Variants in LRBA observed in about 807,000 individuals in gnomAD.
LRBA encodes lipopolysaccharide-responsive and beige-like anchor protein.
Under a neutral mutation model 330.0 loss-of-function variants are expected in LRBA, and 176 were observed. The observed-to-expected ratio is 0.53, with a 90% CI of 0.47 to 0.60. The LOEUF is 0.60. Among genes scored for constraint, LRBA ranks in the 20% least tolerant of loss-of-function variants. LRBA has a pLI of 0.00. For missense variants in LRBA, 3,259 were observed against 3,444.8 expected, an observed-to-expected ratio of 0.95 and a Z score of 1.35; for synonymous variants, 1,230 against 1,193.0, an observed-to-expected ratio of 1.03 and a Z score of -0.64.
intron 44 of LRBA, among the ~76,000 whole-genome samples, chr4:150,437,887 G>A (rs1417601383): frequency 5.3e-5 from 8 of 152,146 alleles, no homozygotes; most frequent in African/African-American, 2.4e-5. Flanking sequence ...AATGTTAGTT[G>A]GTACCTGTAT....
chr4:150,496,022 GGAGA>G lies in LRBA; in HGVS notation c.6331-4991_6331-4988del, dbSNP rs200157543. ...AAATGTTGAGACAGTGTGTTAGAGA[GGAGA>G]GAAAGGATTTAGTATTGAATACATA... On this transcript the variant is annotated intron_variant, in intron 40 of 56. Coordinates refer to ENST00000651943, the MANE Select transcript of LRBA (RefSeq NM_001364905.1). Among the ~76,000 whole-genome samples, 341 of 152,180 alleles carry G rather than the reference GGAGA, an allele frequency of 2.2e-3. 1 individual carries two copies. The highest frequency in any genetic ancestry group is 7.7e-3 in the African/African-American group (318 of 41,532).
At chr4:150,914,067 G>T in intron 9 of LRBA, 128 bp downstream of exon 9, 2 of 644,202 alleles carry the variant, frequency 3.1e-6, no homozygotes, top group Non-Finnish European at 5.2e-6. Context: ...ACCCTGCTGT[G>T]GTATCAAATA....
At chr4:150,588,323 T>C (rs1427790594) in intron 39 of LRBA, 139 bp from the exon 40 acceptor site, 2 of 737,080 alleles carry the variant, frequency 2.7e-6, no homozygotes, top group Non-Finnish European at 4.0e-6. Context: ...CAGTTAAATA[T>C]TCTGTCCACC....
At chr4:150,676,958 T>C (rs1267931226) in intron 37 of LRBA, among the ~76,000 whole-genome samples, 19 of 152,216 alleles carry the variant, frequency 1.2e-4, no homozygotes, top group Admixed American at 1.2e-3. Context: ...ACTCTACTTC[T>C]ATTACACTCC....
chr4:150,836,129 C>G (rs530355459), intron 28 of LRBA, among the ~76,000 whole-genome samples: 7 of 152,166 alleles, frequency 4.6e-5, no homozygotes, highest in Non-Finnish European at 8.8e-5. Context: ...GTTGAACCAG[C>G]CTTGCATCCC....
At chr4:150,685,420 A>ATATATATATACT (rs1561514146) in intron 36 of LRBA, among the ~76,000 whole-genome samples, 2 of 17,436 alleles carry the variant, frequency 1.1e-4, no homozygotes, top group African/African-American at 4.7e-4. Context: ...ATATATATAT[A>ATATATATATACT]TTTTTTTTTT....
intron 36 of LRBA, among the ~76,000 whole-genome samples, chr4:150,697,516 T>A (rs1355244523): frequency 6.6e-6 from 1 of 151,958 alleles, no homozygotes; most frequent in Non-Finnish European, 1.5e-5. Flanking sequence ...ATGAGACATG[T>A]AATAAAGAGC....
At chr4:150,496,704 T>C (rs1759630352) in intron 40 of LRBA, among the ~76,000 whole-genome samples, 1 of 152,150 alleles carries the variant, frequency 6.6e-6, no homozygotes, top group Non-Finnish European at 1.5e-5. Flanking sequence ...TCCCAAATTC[T>C]ATAGTAATTT....
At chr4:150,976,626 C>T (rs1016974645) in intron 2 of LRBA, among the ~76,000 whole-genome samples, 9 of 152,184 alleles carry the variant, frequency 5.9e-5, no homozygotes, top group African/African-American at 1.7e-4. Context: ...ATCATCGCCG[C>T]GACAGAAACA....
intron 47 of LRBA, among the ~76,000 whole-genome samples, chr4:150,403,016 C>T (rs575477770): frequency 6.6e-6 from 1 of 152,126 alleles, no homozygotes; most frequent in Admixed American, 6.5e-5. Context: ...GTTTGAGATA[C>T]ACCAGTTACC....
At chr4:150,775,103 C>G (rs561190817) in intron 34 of LRBA, among the ~76,000 whole-genome samples, 6 of 152,090 alleles carry the variant, frequency 3.9e-5, no homozygotes, top group Non-Finnish European at 8.8e-5. Flanking sequence ...AGCTCAGGAT[C>G]CAATTACTCC....
At chr4:150,807,379 G>A (rs1742950269) in intron 32 of LRBA, among the ~76,000 whole-genome samples, 1 of 152,084 alleles carries the variant, frequency 6.6e-6, no homozygotes, top group South Asian at 2.1e-4. Context: ...TCCCTGAAGA[G>A]TATCACAAAT....
intron 46 of LRBA, among the ~76,000 whole-genome samples, chr4:150,416,564 C>G (rs113802284): frequency 1.1e-4 from 17 of 151,084 alleles, no homozygotes; most frequent in African/African-American, 3.7e-4. Context: ...AGGGTAGAAA[C>G]GAGCTTGTTC....
intron 34 of LRBA, among the ~76,000 whole-genome samples, chr4:150,794,036 T>A (rs76646310): frequency 0.014 from 2,154 of 152,282 alleles, 54 homozygotes; most frequent in African/African-American, 0.048. Flanking sequence ...ATAGATATGA[T>A]CCTCGAAGAA....
chr4:150,762,997 CTTTT>C (rs1735300660), intron 34 of LRBA, among the ~76,000 whole-genome samples: 2 of 151,946 alleles, frequency 1.3e-5, no homozygotes, highest in Non-Finnish European at 2.9e-5. Context: ...TACTTACCTT[CTTTT>C]GTGTTTTTGA....
At chr4:150,622,801 C>A (rs1776438910) in intron 37 of LRBA, among the ~76,000 whole-genome samples, 2 of 151,408 alleles carry the variant, frequency 1.3e-5, no homozygotes, top group East Asian at 3.9e-4. Flanking sequence ...GGGTTCAGGC[C>A]ATTCTCCTGC....
intron 48 of LRBA, among the ~76,000 whole-genome samples, chr4:150,327,626 T>C (rs898567242): frequency 2.6e-5 from 4 of 152,230 alleles, no homozygotes; most frequent in Non-Finnish European, 5.9e-5. Context: ...TGTTTGACTT[T>C]AGGCAATTAG....
chr4:150,953,708 A>C (rs1297380850), intron 2 of LRBA, among the ~76,000 whole-genome samples: 2 of 151,800 alleles, frequency 1.3e-5, no homozygotes, highest in Admixed American at 6.6e-5. Flanking sequence ...ATCTCGGCTC[A>C]CTACAACCTC....
At chr4:150,783,661 C>T (rs1738596596) in intron 34 of LRBA, among the ~76,000 whole-genome samples, 1 of 152,176 alleles carries the variant, frequency 6.6e-6, no homozygotes, top group Non-Finnish European at 1.5e-5. Context: ...TAAACAGTTT[C>T]ACACTCACTA....
Sources: allele counts gnomAD v4.1 joint callset (sites outside exome capture counted in the v4.1 genomes callset), GRCh38; gene constraint gnomAD v4.1.1; transcripts MANE v1.5; gene names NCBI Gene and HGNC (gene_info 2026-07-23, HGNC 2026-07-21).